GPATCH2: variants seen among roughly 807,000 people sequenced by gnomAD.
GPATCH2 encodes G-patch domain containing 2, also known as G patch domain-containing protein 2.
Under a neutral mutation model 58.0 loss-of-function variants are expected in GPATCH2, and 51 were observed. The observed-to-expected ratio is 0.88, with a 90% CI of 0.70 to 1.11. The LOEUF (loss-of-function observed/expected upper bound fraction) is 1.11. Ranked by LOEUF, GPATCH2 falls within the 50% of genes most tolerant of loss-of-function variation. The pLI, the probability that GPATCH2 is intolerant of heterozygous loss-of-function variation, is 0.00. For missense variants in GPATCH2, 625 were observed against 652.2 expected (o/e 0.96, Z 0.45); for synonymous variants, 222 against 218.5 (o/e 1.02, Z -0.14).
At chr1:217,563,686 CA>C (rs1165579438) in intron 5 of GPATCH2, among the ~76,000 whole-genome samples, 1 of 151,972 alleles carries the variant, frequency 6.6e-6, no homozygotes, top group Non-Finnish European at 1.5e-5. Context: ...AAAAAGAAAA[CA>C]AATATTGCTA....
chr1:217,622,778 C>G (rs1172537129), intron 1 of GPATCH2, among the ~76,000 whole-genome samples: 1 of 152,226 alleles, frequency 6.6e-6, no homozygotes, highest in African/African-American at 2.4e-5. Flanking sequence ...CTCCTGACTT[C>G]AAGTGATCCA....
intron 5 of GPATCH2, chr1:217,608,540 A>G (rs112490702): frequency 1.0e-6 from 1 of 985,152 alleles, no homozygotes. Flanking sequence ...GATTGCAATA[A>G]GCCTAGAAAA....
At chr1:217,597,122 C>T (rs1667870875) in intron 5 of GPATCH2, among the ~76,000 whole-genome samples, 3 of 151,074 alleles carry the variant, frequency 2.0e-5, no homozygotes, top group East Asian at 3.9e-4. Context: ...GCCAGGAGTT[C>T]GAGAACAGCA....
chr1:217,583,585 A>G (rs988567760), intron 5 of GPATCH2, among the ~76,000 whole-genome samples: 2 of 151,422 alleles, frequency 1.3e-5, no homozygotes, highest in Non-Finnish European at 2.9e-5. Flanking sequence ...AAAAAAAAAA[A>G]AAAAAAGATA....
intron 5 of GPATCH2, among the ~76,000 whole-genome samples, chr1:217,549,800 T>C (rs1665259818): frequency 6.6e-6 from 1 of 152,140 alleles, no homozygotes; most frequent in South Asian, 2.1e-4. Context: ...CTAACAGGTC[T>C]TATGCAAAGT....
intron 5 of GPATCH2, among the ~76,000 whole-genome samples, chr1:217,601,418 A>T (rs1006644897): frequency 8.7e-5 from 13 of 149,094 alleles, no homozygotes; most frequent in Admixed American, 5.3e-4. Flanking sequence ...TAAAAAAATA[A>T]ACATAAAGGC....
chr1:217,475,438 C>CA (rs1457958669), intron 8 of GPATCH2, among the ~76,000 whole-genome samples: 3 of 151,552 alleles, frequency 2.0e-5, no homozygotes, highest in African/African-American at 2.4e-5. Context: ...GACTCCATCT[C>CA]AAAAAACAAA....
chr1:217,565,140 T>TC (rs1666154282), intron 5 of GPATCH2, among the ~76,000 whole-genome samples: 1 of 152,208 alleles, frequency 6.6e-6, no homozygotes, highest in Non-Finnish European at 1.5e-5. Context: ...TTTTAGTCAC[T>TC]GAATTATTCA....
At chr1:217,622,304 A>G (rs1262040442) in intron 1 of GPATCH2, among the ~76,000 whole-genome samples, 2 of 152,238 alleles carry the variant, frequency 1.3e-5, no homozygotes, top group East Asian at 3.8e-4. Flanking sequence ...CCAACCCTGT[A>G]CTGGTTAGTA....
intron 5 of GPATCH2, among the ~76,000 whole-genome samples, chr1:217,533,247 C>T (rs1664291229): frequency 6.6e-6 from 1 of 151,978 alleles, no homozygotes; most frequent in Non-Finnish European, 1.5e-5. Context: ...AAACTTTATA[C>T]TCTTAAAAAT....
intron 6 of GPATCH2, 61 bp from the exon 7 acceptor site, chr1:217,498,456 G>A (rs1662120304): frequency 8.8e-6 from 11 of 1,245,258 alleles, no homozygotes; most frequent in Middle Eastern, 1.9e-4. Flanking sequence ...GCTCTCACAT[G>A]ATCGAGCCGC....
At chr1:217,511,820 T>C (rs1447854855) in intron 6 of GPATCH2, among the ~76,000 whole-genome samples, 2 of 132,904 alleles carry the variant, frequency 1.5e-5, no homozygotes, top group Non-Finnish European at 3.5e-5. Flanking sequence ...TGGAAGTCTG[T>C]GTGTGTGTGT....
At chr1:217,497,749 GTA>G (rs3838429) in intron 7 of GPATCH2, among the ~76,000 whole-genome samples, 14,814 of 152,062 alleles carry the variant, frequency 0.097, 1,394 homozygotes, top group African/African-American at 0.25. Flanking sequence ...ACTCTAAAAT[GTA>G]TATGTTTTAA....
At chr1:217,469,201 C>T (rs537130664) in intron 8 of GPATCH2, among the ~76,000 whole-genome samples, 1 of 152,146 alleles carries the variant, frequency 6.6e-6, no homozygotes, top group Non-Finnish European at 1.5e-5. Context: ...AGTTTTTATT[C>T]CATCTTTCTA....
chr1:217,461,885 C>G (rs985011121), intron 8 of GPATCH2, among the ~76,000 whole-genome samples: 5 of 152,086 alleles, frequency 3.3e-5, no homozygotes, highest in Non-Finnish European at 7.4e-5. Flanking sequence ...TATGTTATAT[C>G]CCTAAAACTT....
chr1:217,550,945 T>C (rs1393328862), intron 5 of GPATCH2, among the ~76,000 whole-genome samples: 4 of 151,742 alleles, frequency 2.6e-5, no homozygotes, highest in Admixed American at 6.6e-5. Flanking sequence ...TCTAATTACA[T>C]AGCATATAAT....
At chr1:217,628,363 CAGCT>C (rs1669559710) in intron 1 of GPATCH2, among the ~76,000 whole-genome samples, 1 of 151,970 alleles carries the variant, frequency 6.6e-6, no homozygotes. Flanking sequence ...TAAAGGCTTC[CAGCT>C]TGACATAAAT....
At chr1:217,573,487 C>G (rs1666663075) in intron 5 of GPATCH2, among the ~76,000 whole-genome samples, 1 of 152,174 alleles carries the variant, frequency 6.6e-6, no homozygotes, top group African/African-American at 2.4e-5. Flanking sequence ...CATCCCCTTT[C>G]TCCTAGAATG....
intron 5 of GPATCH2, among the ~76,000 whole-genome samples, chr1:217,590,503 A>T (rs145502447): frequency 1.3e-5 from 2 of 152,252 alleles, no homozygotes; most frequent in East Asian, 3.8e-4. Flanking sequence ...GCTTTGTCGG[A>T]AAGAAATGAT....
Sources: gnomAD v4.1 joint callset for allele counts (sites outside exome capture counted in the v4.1 genomes callset) on GRCh38, gnomAD v4.1.1 for gene constraint, MANE v1.5 for transcripts, NCBI Gene and HGNC (gene_info 2026-07-23, HGNC 2026-07-21) for gene names.